The following ERC1 variants were observed in gnomAD, a reference collection of about 807,000 sequenced individuals.
ERC1 encodes the protein ELKS/RAB6-interacting/CAST family member 1, also known as RAB6 interacting protein 2.
In ERC1, 56 loss-of-function variants were observed where a neutral mutation model predicts 132.0. The observed-to-expected ratio is 0.42, with a 90% CI of 0.34 to 0.53. The LOEUF (loss-of-function observed/expected upper bound fraction) is 0.53, where lower values mean the gene tolerates loss of function less well. Ranked by LOEUF, ERC1 falls within the 20% of genes least tolerant of loss-of-function variation. ERC1 has a pLI of 0.03. For synonymous variants in ERC1, 478 were observed against 476.1 expected, an observed-to-expected ratio of 1.00 and a Z score of -0.05; for missense variants, 1,202 against 1,349.9, an observed-to-expected ratio of 0.89 and a Z score of 1.72.
intron 15 of ERC1, among the ~76,000 whole-genome samples, chr12:1,364,999 GA>G (rs2086520395): frequency 1.3e-5 from 2 of 152,292 alleles, no homozygotes; most frequent in South Asian, 4.1e-4. Context: ...GACAAACACA[GA>G]TTCAATGTTC....
chr12:1,449,808 CTTTATA>C (rs1475684081), intron 18 of ERC1, among the ~76,000 whole-genome samples: 9 of 152,006 alleles, frequency 5.9e-5, no homozygotes, highest in African/African-American at 1.9e-4. Flanking sequence ...AACCTATCAT[CTTTATA>C]TTTATTTGTT....
At chr12:1,200,633 A>G (rs1484974262) in intron 12 of ERC1, among the ~76,000 whole-genome samples, 2 of 150,642 alleles carry the variant, frequency 1.3e-5, no homozygotes, top group African/African-American at 4.9e-5. Context: ...ATCTCGGCTC[A>G]CTGCAAGCTC....
intron 18 of ERC1, among the ~76,000 whole-genome samples, chr12:1,467,135 T>G (rs966700388): frequency 2.6e-5 from 4 of 152,260 alleles, no homozygotes; most frequent in Admixed American, 6.5e-5. Context: ...TGGAAACATC[T>G]TACTCTTTTC....
intron 16 of ERC1, among the ~76,000 whole-genome samples, chr12:1,384,267 A>G (rs2089055206): frequency 6.6e-6 from 1 of 152,368 alleles, no homozygotes; most frequent in African/African-American, 2.4e-5. Flanking sequence ...TAAATCTTGT[A>G]TTAAAAAGAT....
intron 18 of ERC1, among the ~76,000 whole-genome samples, chr12:1,487,680 T>C (rs2094248501): frequency 6.7e-6 from 1 of 150,176 alleles, no homozygotes; most frequent in South Asian, 2.1e-4. Flanking sequence ...GATCAAACCA[T>C]TGCACTCCCC....
chr12:1,338,461 C>T (rs75195664), intron 15 of ERC1, among the ~76,000 whole-genome samples: 2,792 of 152,232 alleles, frequency 0.018, 24 homozygotes, highest in Middle Eastern at 0.051. Flanking sequence ...TTCTTCGCTT[C>T]CTTGATTTTG....
In ERC1 at chr12:1,456,500, G is replaced by A. The variant is rs143052331; in HGVS notation, c.3213+11750G>A. On this transcript the variant is annotated intron_variant, in intron 18 of 18. Transcript: ENST00000360905. ...CCAGCAGCTGAGTAAACTTGGGTCA[G>A]GTCAGATTTGAGACACCCTATGACC... is the stretch of plus-strand genomic sequence containing the variant. 2.8e-3 allele frequency among the ~76,000 whole-genome samples: 422 copies of A among 152,092 alleles called. 5 individuals are homozygous for A. Among genetic ancestry groups the A allele is most frequent in the African/African-American group, 9.9e-3 (409 of 41,458 alleles).
chr12:1,440,666 G>A (rs1474402079), intron 17 of ERC1, among the ~76,000 whole-genome samples: 3 of 109,450 alleles, frequency 2.7e-5, no homozygotes, highest in Non-Finnish European at 5.6e-5. Context: ...GTGTGTGTGT[G>A]TGATGGAGTC....
At chr12:1,151,652 T>C (rs1950847996) in intron 8 of ERC1, among the ~76,000 whole-genome samples, 1 of 152,220 alleles carries the variant, frequency 6.6e-6, no homozygotes, top group Non-Finnish European at 1.5e-5. Flanking sequence ...GCCAGGCACT[T>C]TTCTATGTGA....
chr12:1,231,448 A>G (rs971245217), intron 12 of ERC1, among the ~76,000 whole-genome samples: 2 of 152,154 alleles, frequency 1.3e-5, no homozygotes, highest in Non-Finnish European at 1.5e-5. Context: ...AAATTGATTT[A>G]TGTACCACGA....
chr12:1,232,726 T>C (rs1354986685), intron 12 of ERC1, among the ~76,000 whole-genome samples: 2 of 152,154 alleles, frequency 1.3e-5, no homozygotes, highest in South Asian at 4.1e-4. Context: ...TTGAGTTTCC[T>C]GATTTTTGTT....
intron 3 of ERC1, among the ~76,000 whole-genome samples, chr12:1,100,840 A>C (rs538380164): frequency 2.2e-4 from 33 of 152,304 alleles, no homozygotes; most frequent in African/African-American, 7.7e-4. Flanking sequence ...CAGTATGTGC[A>C]TGATACTGAA....
At chr12:1,392,566 A>G (rs2090064094) in intron 16 of ERC1, among the ~76,000 whole-genome samples, 1 of 152,202 alleles carries the variant, frequency 6.6e-6, no homozygotes, top group African/African-American at 2.4e-5. Context: ...GATGTCTAGT[A>G]TCATTACTTT....
intron 18 of ERC1, among the ~76,000 whole-genome samples, chr12:1,465,024 GAAGA>G (rs1293360019): frequency 1.3e-5 from 2 of 152,080 alleles, no homozygotes. Context: ...TCCCATGGGA[GAAGA>G]AAGTTCACCC....
chr12:1,197,224 G>A (rs182949289), intron 12 of ERC1, among the ~76,000 whole-genome samples: 3 of 150,742 alleles, frequency 2.0e-5, no homozygotes, highest in Non-Finnish European at 4.4e-5. Context: ...CAAGTGATCC[G>A]CCTGCCTTGG....
intron 17 of ERC1, among the ~76,000 whole-genome samples, chr12:1,429,040 G>C (rs1290929796): frequency 6.6e-6 from 1 of 152,128 alleles, no homozygotes; most frequent in Non-Finnish European, 1.5e-5. Context: ...CAAAACAGAT[G>C]GCTTTTTTTT....
chr12:1,137,055 T>C (rs531254237), intron 7 of ERC1, among the ~76,000 whole-genome samples: 1 of 151,906 alleles, frequency 6.6e-6, no homozygotes, highest in South Asian at 2.1e-4. Context: ...GTCCTTCTAC[T>C]CACCAGTTCT....
rs1224491969 is a variant in ERC1 at position 991,265 on chromosome 12, T to TGGC, written c.-202_-200dup. 9.3e-4 allele frequency: 153 copies of TGGC among 164,656 alleles called. No homozygotes were observed. The highest frequency in any genetic ancestry group is 1.5e-3 in the Non-Finnish European group (121 of 79,896). The allele number at this position is 164,656 out of a possible 1,614,324, so 10.2% of individuals were successfully genotyped here. A position where few individuals can be genotyped will look rare whatever the true frequency, so the allele number is the denominator to read the frequency against. The stretch of plus-strand genomic sequence containing the variant: ...GCTGTGGCGGCGGCGGCGGCGGTAG[T>TGGC]GGCGGCGGCGGCGGTGCCTGGGCGG... On this transcript the variant is annotated 5_prime_UTR_variant, in exon 1 of 19. Transcript: ENST00000360905.
At chr12:1,077,858 T>G (rs1177591364) in intron 2 of ERC1, among the ~76,000 whole-genome samples, 1 of 152,076 alleles carries the variant, frequency 6.6e-6, no homozygotes, top group African/African-American at 2.4e-5. Context: ...TCTAAAGGAG[T>G]TGGCAGGAAT....
Sources: allele counts gnomAD v4.1 joint callset (sites outside exome capture counted in the v4.1 genomes callset), GRCh38; gene constraint gnomAD v4.1.1; transcripts MANE v1.5; gene names NCBI Gene and HGNC (gene_info 2026-07-23, HGNC 2026-07-21).